CCBE1: variants seen among roughly 807,000 people sequenced by gnomAD.
CCBE1 encodes the protein collagen and calcium-binding EGF domain-containing protein 1.
Under a neutral mutation model 50.0 loss-of-function variants are expected in CCBE1, and 37 were observed. The observed-to-expected ratio is 0.74, with a 90% CI of 0.57 to 0.97. The LOEUF (loss-of-function observed/expected upper bound fraction) is 0.97. CCBE1 is among the 50% of genes least tolerant of loss of function. The pLI, the probability that CCBE1 is intolerant of heterozygous loss-of-function variation, is 0.00. For missense variants in CCBE1, 538 were observed against 523.8 expected, an observed-to-expected ratio of 1.03 and a Z score of -0.26; for synonymous variants, 234 against 203.7, an observed-to-expected ratio of 1.15 and a Z score of -1.27.
intron 2 of CCBE1, among the ~76,000 whole-genome samples, chr18:59,523,616 C>T (rs1557404): frequency 0.13 from 20,280 of 151,888 alleles, 1,410 homozygotes; most frequent in Middle Eastern, 0.19. Flanking sequence ...AACCTTATAA[C>T]GAATTAGCAC....
At chr18:59,491,379 GT>G (rs1568168256) in intron 2 of CCBE1, among the ~76,000 whole-genome samples, 1 of 152,010 alleles carries the variant, frequency 6.6e-6, no homozygotes, top group Non-Finnish European at 1.5e-5. Context: ...TCACCTTACT[GT>G]TCATGGCTCC....
chr18:59,455,230 A>T (rs1308134977), intron 5 of CCBE1: 7 of 519,658 alleles, frequency 1.3e-5, no homozygotes, highest in Non-Finnish European at 2.5e-5. Context: ...CATGTGTGAA[A>T]ATGCGTACCA....
chr18:59,613,019 C>A (rs1374133179), intron 2 of CCBE1, among the ~76,000 whole-genome samples: 2 of 151,776 alleles, frequency 1.3e-5, no homozygotes, highest in Non-Finnish European at 2.9e-5. Context: ...GACTTTAAAT[C>A]CTAAAGGAAT....
At chr18:59,615,372 G>C (rs1036187676) in intron 2 of CCBE1, among the ~76,000 whole-genome samples, 1 of 152,086 alleles carries the variant, frequency 6.6e-6, no homozygotes. Context: ...TTCGCGCTGC[G>C]TAATTTCACC....
chr18:59,559,575 A>AGCT (rs755574198), intron 2 of CCBE1, among the ~76,000 whole-genome samples: 1 of 152,234 alleles, frequency 6.6e-6, no homozygotes, highest in Non-Finnish European at 1.5e-5. Context: ...TACCTGTTAC[A>AGCT]GCTGGCGGAA....
At chr18:59,591,446 GCT>G (rs1230115519) in intron 2 of CCBE1, among the ~76,000 whole-genome samples, 1 of 151,968 alleles carries the variant, frequency 6.6e-6, no homozygotes, top group Non-Finnish European at 1.5e-5. Context: ...CAAATTAAAG[GCT>G]GATATCCCTA....
intron 2 of CCBE1, 61 bp downstream of exon 2, chr18:59,696,568 C>A: frequency 6.2e-7 from 1 of 1,608,114 alleles, no homozygotes; most frequent in Non-Finnish European, 8.5e-7. Context: ...CTTTACAGCG[C>A]CGCCTCCCCA....
At chr18:59,690,339 G>A (rs2054713541) in intron 2 of CCBE1, among the ~76,000 whole-genome samples, 1 of 152,166 alleles carries the variant, frequency 6.6e-6, no homozygotes, top group African/African-American at 2.4e-5. Flanking sequence ...TGTTATAGCT[G>A]TTTACTTTTT....
At chr18:59,466,614 CATAAAT>C in intron 5 of CCBE1, 119 bp downstream of exon 5, 1 of 439,682 alleles carries the variant, frequency 2.3e-6, no homozygotes, top group Non-Finnish European at 3.4e-6. Flanking sequence ...AGCATAATTA[CATAAAT>C]ATATTTATAT....
chr18:59,472,799 G>T (rs780514247), intron 3 of CCBE1, among the ~76,000 whole-genome samples: 8 of 152,204 alleles, frequency 5.3e-5, no homozygotes, highest in Admixed American at 2.0e-4. Flanking sequence ...ATTTATAAAG[G>T]AAAGAGGTTT....
chr18:59,451,784 T>C (rs1011012981), intron 6 of CCBE1, among the ~76,000 whole-genome samples: 11 of 152,074 alleles, frequency 7.2e-5, no homozygotes, highest in African/African-American at 2.7e-4. Flanking sequence ...AACCCGCCCA[T>C]CCTGCATATG....
At chr18:59,696,188 C>T (rs1221532150) in intron 2 of CCBE1, among the ~76,000 whole-genome samples, 1 of 152,000 alleles carries the variant, frequency 6.6e-6, no homozygotes, top group African/African-American at 2.4e-5. Context: ...CTTTTTTGTC[C>T]AGAGGCCGTG....
At chr18:59,464,725 T>C (rs1335258053) in intron 5 of CCBE1, among the ~76,000 whole-genome samples, 1 of 152,244 alleles carries the variant, frequency 6.6e-6, no homozygotes, top group Non-Finnish European at 1.5e-5. Context: ...AGTTCTCCCT[T>C]GCCAGGCAGC....
intron 2 of CCBE1, among the ~76,000 whole-genome samples, chr18:59,660,346 T>C (rs1377049255): frequency 1.3e-5 from 2 of 152,180 alleles, no homozygotes; most frequent in East Asian, 3.8e-4. Flanking sequence ...AAATAGAGGC[T>C]GATTCCTTAT....
intron 2 of CCBE1, chr18:59,564,208 C>A (rs1450189869): frequency 6.6e-6 from 1 of 152,136 alleles, no homozygotes; most frequent in Non-Finnish European, 1.5e-5. Flanking sequence ...AAGTTTAATA[C>A]AAAGTTACAC....
intron 2 of CCBE1, among the ~76,000 whole-genome samples, chr18:59,583,256 A>G (rs2053112868): frequency 7.6e-6 from 1 of 131,082 alleles, no homozygotes; most frequent in African/African-American, 2.6e-5. Context: ...AAGCCCACAG[A>G]AAAAAACAAA....
rs145833853 is a variant in CCBE1 at position 59,529,915 on chromosome 18, G to T, written c.213-49677C>A. On this transcript the variant is annotated intron_variant, in intron 2 of 10. Transcript: ENST00000439986. Reference sequence around the variant, plus strand: ...ACCTATACTGTCTTGAATGCATAGGGTCTTGTTCTGAAGTTCTCAGACATT... The same window carrying T: ...ACCTATACTGTCTTGAATGCATAGGTTCTTGTTCTGAAGTTCTCAGACATT... 4.3e-4 allele frequency among the ~76,000 whole-genome samples: 65 copies of T among 152,256 alleles called. No individual in the cohort carries two copies. In the East Asian group the frequency reaches 0.01, roughly 24 times the overall value.
chr18:59,547,767 G>T (rs1915763352), intron 2 of CCBE1, among the ~76,000 whole-genome samples: 1 of 152,174 alleles, frequency 6.6e-6, no homozygotes, highest in Non-Finnish European at 1.5e-5. Context: ...AGTGGTGTGG[G>T]CTACGTCTGG....
In CCBE1 at chr18:59,690,525, TGA is replaced by T. The variant is rs528893608; in HGVS notation, c.212+6102_212+6103del. 1.6e-4 allele frequency among the ~76,000 whole-genome samples: 25 copies of T among 152,286 alleles called. 1 individual carries two copies. The South Asian group carries it at 5.2e-3, about 32-fold the overall frequency. ...GCTGATTGAAATGCAAGCCTTCTCC[TGA>T]GAAGATAGAATATCTAGAATCAAGA... On this transcript the variant is annotated intron_variant, in intron 2 of 10. Coordinates refer to ENST00000439986, the MANE Select transcript of CCBE1 (RefSeq NM_133459.4).
Sources: allele counts gnomAD v4.1 joint callset (sites outside exome capture counted in the v4.1 genomes callset), GRCh38; gene constraint gnomAD v4.1.1; transcripts MANE v1.5; gene names NCBI Gene and HGNC (gene_info 2026-07-23, HGNC 2026-07-21).